Variants in XKR9 observed in about 807,000 individuals in gnomAD.
XKR9 encodes the protein XK-related protein 9.
XKR9 carries 32 observed loss-of-function variants against 32.0 expected under a neutral mutation model. The ratio of observed to expected loss-of-function variants is 1.00; its 90% confidence interval spans 0.76 to 1.34. XKR9 has a LOEUF of 1.34. Among genes scored for constraint, XKR9 ranks in the 40% most tolerant of loss-of-function variants. XKR9 has a pLI of 0.00. For missense variants in XKR9, 546 were observed against 429.7 expected, an observed-to-expected ratio of 1.27 and a Z score of -2.39; for synonymous variants, 168 against 143.4, an observed-to-expected ratio of 1.17 and a Z score of -1.22.
the XKR9 span, among the ~76,000 whole-genome samples, chr8:71,029,200 G>C: frequency 6.6e-6 from 1 of 152,174 alleles, no homozygotes; most frequent in East Asian, 1.9e-4. Context: ...AAAAATCATA[G>C]TTTCTAATAT....
the XKR9 span, among the ~76,000 whole-genome samples, chr8:70,936,320 A>T: frequency 6.6e-6 from 1 of 152,080 alleles, no homozygotes; most frequent in African/African-American, 2.4e-5. Context: ...AGTTTACTTC[A>T]TTCAATTAAG....
chr8:71,039,947 G>T, the XKR9 span, among the ~76,000 whole-genome samples: 6 of 152,090 alleles, frequency 3.9e-5, no homozygotes, highest in Admixed American at 3.3e-4. Flanking sequence ...AAGAATCATT[G>T]ATTGTTTTGT....
the XKR9 span, among the ~76,000 whole-genome samples, chr8:70,965,008 G>C: frequency 1.3e-5 from 2 of 152,252 alleles, no homozygotes; most frequent in Non-Finnish European, 2.9e-5. Flanking sequence ...GTGAGAGAGG[G>C]CATCCTTGTG....
the XKR9 span, among the ~76,000 whole-genome samples, chr8:70,878,252 G>C: frequency 4.6e-5 from 7 of 152,016 alleles, no homozygotes; most frequent in Non-Finnish European, 8.8e-5. Flanking sequence ...ATTAATTAAT[G>C]GGCAAAATAA....
the XKR9 span, among the ~76,000 whole-genome samples, chr8:71,030,245 A>G: frequency 6.6e-6 from 1 of 152,182 alleles, no homozygotes; most frequent in Non-Finnish European, 1.5e-5. Context: ...TAGAGAAAGG[A>G]GAATCTTATT....
chr8:70,773,027 G>A (rs1229528638), intron 2 of XKR9, among the ~76,000 whole-genome samples: 3 of 152,254 alleles, frequency 2.0e-5, no homozygotes, highest in African/African-American at 7.2e-5. Context: ...ATTTATACAT[G>A]TAATGTAGAT....
At chr8:70,772,358 T>A (rs1283891241) in intron 2 of XKR9, among the ~76,000 whole-genome samples, 1 of 152,202 alleles carries the variant, frequency 6.6e-6, no homozygotes, top group Non-Finnish European at 1.5e-5. Flanking sequence ...TGATATATGT[T>A]TGGGACAATA....
chr8:70,991,872 G>T, the XKR9 span, among the ~76,000 whole-genome samples: 2 of 152,160 alleles, frequency 1.3e-5, no homozygotes, highest in Non-Finnish European at 2.9e-5. Context: ...TTGGTGTAAA[G>T]AAAGTATTTC....
chr8:70,705,546 ACAAAGG>A (rs1805691083), intron 3 of XKR9, among the ~76,000 whole-genome samples: 1 of 152,120 alleles, frequency 6.6e-6, no homozygotes, highest in Non-Finnish European at 1.5e-5. Context: ...ATTAGCAAAG[ACAAAGG>A]CCCTTAAGTT....
chr8:70,749,316 A>G (rs1807101845), intron 2 of XKR9, among the ~76,000 whole-genome samples: 1 of 152,182 alleles, frequency 6.6e-6, no homozygotes, highest in Admixed American at 6.5e-5. Context: ...GGGTGACGAG[A>G]AGGAGAGAAG....
chr8:70,714,418 T>C (rs1586847749), intron 4 of XKR9, among the ~76,000 whole-genome samples: 1 of 151,960 alleles, frequency 6.6e-6, no homozygotes. Context: ...ATTTTAATAC[T>C]CTTTTCTCTA....
At chr8:70,891,617 T>C in the XKR9 span, among the ~76,000 whole-genome samples, 1 of 152,066 alleles carries the variant, frequency 6.6e-6, no homozygotes, top group Non-Finnish European at 1.5e-5. Context: ...CTTGTTATTA[T>C]TTCCAAGTTA....
At chr8:70,712,338 C>A (rs948436484) in intron 4 of XKR9, among the ~76,000 whole-genome samples, 1 of 151,758 alleles carries the variant, frequency 6.6e-6, no homozygotes, top group Non-Finnish European at 1.5e-5. Context: ...TAAAACAGGC[C>A]AAAATATGTA....
intron 2 of XKR9, among the ~76,000 whole-genome samples, chr8:70,776,396 G>T (rs1422975011): frequency 1.3e-5 from 2 of 151,954 alleles, no homozygotes; most frequent in Non-Finnish European, 2.9e-5. Context: ...TAGGATCTTA[G>T]TGATATTTCT....
intron 2 of XKR9, among the ~76,000 whole-genome samples, chr8:70,679,944 T>A (rs1819019197): frequency 6.6e-6 from 1 of 152,100 alleles, no homozygotes; most frequent in Non-Finnish European, 1.5e-5. Context: ...ATGAGTATCA[T>A]TTACTATTTT....
At chr8:70,676,273 T>A (rs950330349) in intron 2 of XKR9, among the ~76,000 whole-genome samples, 1 of 152,194 alleles carries the variant, frequency 6.6e-6, no homozygotes, top group African/African-American at 2.4e-5. Context: ...TACACCCCTA[T>A]GACCCAAAAC....
At chr8:70,993,638 CTT>C in the XKR9 span, among the ~76,000 whole-genome samples, 1 of 149,800 alleles carries the variant, frequency 6.7e-6, no homozygotes, top group Non-Finnish European at 1.5e-5. Flanking sequence ...TCCTTCCTTC[CTT>C]CCTTCCTTCC....
chr8:71,047,734 G>A, the XKR9 span, among the ~76,000 whole-genome samples: 3 of 152,212 alleles, frequency 2.0e-5, no homozygotes, highest in South Asian at 4.1e-4. Context: ...TGTACCCACA[G>A]CACCTTGTCT....
the XKR9 span, among the ~76,000 whole-genome samples, chr8:70,876,737 C>A: frequency 6.6e-6 from 1 of 151,886 alleles, no homozygotes; most frequent in Admixed American, 6.6e-5. Context: ...ACTCAGAAAC[C>A]CTGAGTTTCT....
Sources: allele counts gnomAD v4.1 joint callset (sites outside exome capture counted in the v4.1 genomes callset), GRCh38; gene constraint gnomAD v4.1.1; transcripts MANE v1.5; gene names NCBI Gene and HGNC (gene_info 2026-07-23, HGNC 2026-07-21).